Variants in POT1 observed in about 807,000 individuals in gnomAD.
POT1 encodes protection of telomeres protein 1.
POT1 carries 47 observed loss-of-function variants against 78.5 expected under a neutral mutation model. That is an observed-to-expected ratio of 0.60 (90% confidence interval 0.47 to 0.76). POT1 has a LOEUF of 0.76. Ranked by LOEUF, POT1 falls within the 30% of genes least tolerant of loss-of-function variation. The pLI, the probability that POT1 is intolerant of heterozygous loss-of-function variation, is 0.00. For missense variants in POT1, 646 were observed against 749.9 expected (o/e 0.86, Z 1.62); for synonymous variants, 259 against 260.7 (o/e 0.99, Z 0.06).
intron 7 of POT1, 119 bp downstream of exon 7, chr7:124,870,792 C>T: frequency 1.3e-6 from 1 of 742,802 alleles, no homozygotes; most frequent in Non-Finnish European, 1.9e-6. Flanking sequence ...TTCTTATCTC[C>T]TGAAAAGCTT....
intron 11 of POT1, among the ~76,000 whole-genome samples, chr7:124,849,451 G>A (rs1795250475): frequency 6.6e-6 from 1 of 152,142 alleles, no homozygotes; most frequent in Non-Finnish European, 1.5e-5. Flanking sequence ...CCTTTCACCT[G>A]CTTAACTGTC....
rs183126362 is a variant in POT1 at position 124,906,079 on chromosome 7, G to A, written c.-153-7705C>T. 3.3e-5 allele frequency among the ~76,000 whole-genome samples: 5 copies of A among 152,264 alleles called. No homozygotes were observed. The East Asian group carries it at 5.8e-4, about 18-fold the overall frequency. Reference sequence around the variant, plus strand: ...TTCAACCATTGGGGAAGACACTGTCGCGATTCCTCAAAGATCTAGAACTAG... The same window carrying A: ...TTCAACCATTGGGGAAGACACTGTCACGATTCCTCAAAGATCTAGAACTAG... On this transcript the variant is annotated intron_variant, in intron 3 of 18. Transcript: ENST00000357628.
chr7:124,903,828 A>C (rs567182689), intron 3 of POT1, among the ~76,000 whole-genome samples: 1 of 152,348 alleles, frequency 6.6e-6, no homozygotes, highest in African/African-American at 2.4e-5. Context: ...AAAAATGATA[A>C]AGGGGATATC....
Position 124,829,264 on chromosome 7 carries a change from A to G in POT1, c.1584T>C (p.Ser528=). 6.3e-7 allele frequency: 1 copy of G among 1,597,690 alleles called. No homozygotes were observed. The highest frequency in any genetic ancestry group is 1.7e-5 in the Admixed American group (1 of 59,828). Residue 528 remains serine (S), a synonymous_variant, in exon 16 of 19, where the codon TCT becomes TCC. Transcript: ENST00000357628. ...GGAAATTTAGCTAACCTTCTGCCACAGAAGAAGGAATCCACGATGTTTTAT... is the reference window on the plus strand; with the variant it reads ...GGAAATTTAGCTAACCTTCTGCCACGGAAGAAGGAATCCACGATGTTTTAT... The part of the protein sequence containing the change: ...LVDKTSWIPS[S]VAEALGIVPL...
chr7:124,873,105 T>C (rs1213414834), intron 6 of POT1, among the ~76,000 whole-genome samples: 1 of 152,194 alleles, frequency 6.6e-6, no homozygotes, highest in Non-Finnish European at 1.5e-5. Flanking sequence ...GCAAATATTT[T>C]CTCTCATTCT....
chr7:124,893,859 C>A (rs1331452671), intron 5 of POT1, among the ~76,000 whole-genome samples: 1 of 151,500 alleles, frequency 6.6e-6, no homozygotes, highest in Non-Finnish European at 1.5e-5. Context: ...GAGCTCAGCT[C>A]GTGTCTCCTT....
At chr7:124,867,871 C>T (rs1482123027) in intron 7 of POT1, among the ~76,000 whole-genome samples, 2 of 152,066 alleles carry the variant, frequency 1.3e-5, no homozygotes, top group East Asian at 1.9e-4. Context: ...TGGTCTTGAA[C>T]TCCTGACCTT....
At position 124,863,214 on chromosome 7, in the gene POT1, C is replaced by G. The variant is rs148536960; in HGVS notation, c.546+136G>C. 3.8e-6 allele frequency: 3 copies of G among 793,674 alleles called. No homozygotes were observed. The African/African-American group carries it at 5.2e-5, about 14-fold the overall frequency. The allele number at this position is 793,674 out of a possible 1,614,324, so 49.2% of individuals were successfully genotyped here. A position where few individuals can be genotyped will look rare whatever the true frequency, so the allele number is the denominator to read the frequency against. ...GTAGAGCTGCATGAATATTGAGGCT[C>G]GTCAAAAATAGTTAAAATTTAAGTT... On this transcript the variant is annotated intron_variant, in intron 8 of 18. Coordinates refer to ENST00000357628, the MANE Select transcript of POT1 (RefSeq NM_015450.3).
At chr7:124,877,406 TA>T (rs1796013637) in intron 6 of POT1, among the ~76,000 whole-genome samples, 2 of 151,650 alleles carry the variant, frequency 1.3e-5, no homozygotes, top group Admixed American at 1.3e-4. Flanking sequence ...GGAAAAACCA[TA>T]AAACAGAAAA....
At chr7:124,838,696 C>G (rs927721647) in intron 14 of POT1, among the ~76,000 whole-genome samples, 1 of 152,044 alleles carries the variant, frequency 6.6e-6, no homozygotes, top group Admixed American at 6.6e-5. Context: ...ACCTCCGCCT[C>G]CCGGGTTCAA....
At chr7:124,907,939 ACAGT>A (rs1438384480) in intron 3 of POT1, among the ~76,000 whole-genome samples, 1 of 152,124 alleles carries the variant, frequency 6.6e-6, no homozygotes, top group Non-Finnish European at 1.5e-5. Flanking sequence ...AATAAAGGAA[ACAGT>A]CAGTGGTGAA....
At chr7:124,886,921 A>G (rs1056149297) in intron 6 of POT1, among the ~76,000 whole-genome samples, 6 of 152,064 alleles carry the variant, frequency 3.9e-5, no homozygotes, top group African/African-American at 1.4e-4. Flanking sequence ...AAAATGATGT[A>G]TTTGCAGATC....
intron 2 of POT1, among the ~76,000 whole-genome samples, chr7:124,917,781 G>A (rs916880208): frequency 3.3e-5 from 5 of 152,102 alleles, no homozygotes; most frequent in African/African-American, 1.2e-4. Flanking sequence ...TTATTGGAAT[G>A]GGCCACACTG....
rs879251060 is a variant in POT1, at chr7:124,825,086, T to C, written c.1792+166A>G. On this transcript the variant is annotated intron_variant, in intron 18 of 18. Transcript: ENST00000357628. Reference sequence around the variant, plus strand: ...GGAATTATGATTCATAACTATTTTATCCCTGCCACTCTCTTCATCAAAGGT... The same window carrying C: ...GGAATTATGATTCATAACTATTTTACCCCTGCCACTCTCTTCATCAAAGGT... 2.3e-4 allele frequency among the ~76,000 whole-genome samples: 35 copies of C among 152,230 alleles called. 1 individual carries two copies. In the South Asian group the frequency reaches 7.3e-3, roughly 32 times the overall value.
At chr7:124,843,742 C>A (rs7795943) in intron 12 of POT1, among the ~76,000 whole-genome samples, 33,155 of 152,162 alleles carry the variant, frequency 0.22, 4,044 homozygotes, top group East Asian at 0.3. Flanking sequence ...TCTAGCTTAA[C>A]ACTTTCATGT....
At chr7:124,873,959 G>A (rs944998943) in intron 6 of POT1, among the ~76,000 whole-genome samples, 1 of 152,148 alleles carries the variant, frequency 6.6e-6, no homozygotes, top group Non-Finnish European at 1.5e-5. Context: ...TTAAGGGTGA[G>A]AGTAAAAAGT....
chr7:124,858,044 C>CT (rs1439574348), intron 9 of POT1, among the ~76,000 whole-genome samples: 2 of 152,156 alleles, frequency 1.3e-5, no homozygotes, highest in East Asian at 3.9e-4. Flanking sequence ...CTCCTGTGGT[C>CT]TGAGTGAGTG....
In POT1 at chr7:124,823,428, C is replaced by T. The variant is rs1794553071; in HGVS notation, c.*534G>A. ...GTCAGGTAAAAATCAAACTATTTTACTAAGTTAACATCTCATTCAATTAGT... is the reference window on the plus strand; with the variant it reads ...GTCAGGTAAAAATCAAACTATTTTATTAAGTTAACATCTCATTCAATTAGT... On this transcript the variant is annotated 3_prime_UTR_variant, in exon 19 of 19. Transcript: ENST00000357628. The T allele has an allele frequency of 1.3e-5, 2 of 151,822 alleles. No homozygotes were observed. The highest frequency in any genetic ancestry group is 6.6e-5 in the Admixed American group (1 of 15,236). 9.4% of individuals were successfully genotyped at this position (151,822 alleles called of 1,614,324 possible).
rs1423108521 is a variant in POT1, at chr7:124,823,796, C to T, written c.*166G>A. 3.4e-6 allele frequency: 2 copies of T among 587,146 alleles called. No homozygotes were observed. The highest frequency in any genetic ancestry group is 3.0e-5 in the East Asian group (1 of 33,048). The allele number at this position is 587,146 out of a possible 1,614,324, so 36.4% of individuals were successfully genotyped here. A position where few individuals can be genotyped will look rare whatever the true frequency, so the allele number is the denominator to read the frequency against. On this transcript the variant is annotated 3_prime_UTR_variant, in exon 19 of 19. Transcript: ENST00000357628. ...AAACAAAATCCATAGCCATTATTTA[C>T]CTTGCACCCAGTAAAAGCCAAGAGA...
Sources: allele counts gnomAD v4.1 joint callset (sites outside exome capture counted in the v4.1 genomes callset), GRCh38; gene constraint gnomAD v4.1.1; transcripts MANE v1.5; gene names NCBI Gene and HGNC (gene_info 2026-07-23, HGNC 2026-07-21).